Variants in CCBE1 observed in about 807,000 individuals in gnomAD.
The protein encoded by CCBE1 is collagen and calcium-binding EGF domain-containing protein 1.
A neutral mutation model predicts 50.0 loss-of-function variants in CCBE1; 37 were observed. The ratio of observed to expected loss-of-function variants is 0.74; its 90% CI spans 0.57 to 0.97. The LOEUF (loss-of-function observed/expected upper bound fraction) is 0.97. Ranked by LOEUF, CCBE1 falls within the 50% of genes least tolerant of loss-of-function variation. The pLI is 0.00. For synonymous variants in CCBE1, 234 were observed against 203.7 expected (o/e 1.15, Z -1.27); for missense variants, 538 against 523.8 (o/e 1.03, Z -0.26).
At chr18:59,583,022 T>C (rs891316) in intron 2 of CCBE1, among the ~76,000 whole-genome samples, 7,753 of 152,276 alleles carry the variant, frequency 0.051, 557 homozygotes, top group African/African-American at 0.16. Context: ...GGGATCTATG[T>C]TGCCCAGGCT....
chr18:59,605,604 G>C (rs2053487407), intron 2 of CCBE1, among the ~76,000 whole-genome samples: 1 of 152,116 alleles, frequency 6.6e-6, no homozygotes, highest in African/African-American at 2.4e-5. Context: ...AAGCTTTGCT[G>C]GAAAACCAGG....
intron 2 of CCBE1, among the ~76,000 whole-genome samples, chr18:59,511,208 C>T (rs1212477668): frequency 6.6e-6 from 1 of 152,200 alleles, no homozygotes; most frequent in Non-Finnish European, 1.5e-5. Flanking sequence ...GCCTAACTAA[C>T]TGCCAATAAA....
intron 2 of CCBE1, among the ~76,000 whole-genome samples, chr18:59,605,212 A>G (rs574031525): frequency 6.6e-6 from 1 of 152,344 alleles, no homozygotes; most frequent in South Asian, 2.1e-4. Context: ...CAGTGATATG[A>G]ACTTTGATCT....
At chr18:59,547,927 G>A (rs1257852923) in intron 2 of CCBE1, among the ~76,000 whole-genome samples, 1 of 152,174 alleles carries the variant, frequency 6.6e-6, no homozygotes, top group Non-Finnish European at 1.5e-5. Context: ...GAACACACGG[G>A]CATTTTGGCC....
chr18:59,524,302 A>T (rs1914727353), intron 2 of CCBE1, among the ~76,000 whole-genome samples: 1 of 152,364 alleles, frequency 6.6e-6, no homozygotes, highest in South Asian at 2.1e-4. Flanking sequence ...CCTGGGTAAC[A>T]GAGCAAGATC....
At chr18:59,476,167 C>T (rs1239376653) in intron 3 of CCBE1, among the ~76,000 whole-genome samples, 1 of 152,140 alleles carries the variant, frequency 6.6e-6, no homozygotes, top group Non-Finnish European at 1.5e-5. Context: ...TCAGCTCCTA[C>T]AAAATAAAGA....
At chr18:59,694,480 T>TA (rs1422173237) in intron 2 of CCBE1, among the ~76,000 whole-genome samples, 3 of 152,200 alleles carry the variant, frequency 2.0e-5, no homozygotes, top group African/African-American at 7.2e-5. Context: ...TCTGTCTAAA[T>TA]AGGTCTGCAT....
At chr18:59,528,332 C>A (rs190486593) in intron 2 of CCBE1, among the ~76,000 whole-genome samples, 35 of 151,622 alleles carry the variant, frequency 2.3e-4, no homozygotes, top group Admixed American at 1.3e-4. Context: ...TTTATGTTCC[C>A]ACTAAACTGC....
chr18:59,654,791 C>CAAAAAAAA (rs34690890), intron 2 of CCBE1, among the ~76,000 whole-genome samples: 1 of 94,330 alleles, frequency 1.1e-5, no homozygotes, highest in East Asian at 3.2e-4. Flanking sequence ...ACTCCGTCTC[C>CAAAAAAAA]AAAAAAAAAA....
intron 3 of CCBE1, among the ~76,000 whole-genome samples, chr18:59,478,869 T>C (rs1912436330): frequency 6.6e-6 from 1 of 152,150 alleles, no homozygotes; most frequent in Admixed American, 6.5e-5. Context: ...CCAACAGAAT[T>C]GAGAAATTCA....
chr18:59,555,494 A>G (rs566326719), intron 2 of CCBE1, among the ~76,000 whole-genome samples: 24 of 152,310 alleles, frequency 1.6e-4, no homozygotes, highest in Admixed American at 1.3e-3. Flanking sequence ...TTAGATTTCT[A>G]TTTCAGGAAA....
intron 3 of CCBE1, among the ~76,000 whole-genome samples, chr18:59,476,129 ATC>A (rs1912293995): frequency 6.6e-6 from 1 of 151,748 alleles, no homozygotes; most frequent in Non-Finnish European, 1.5e-5. Flanking sequence ...CTCTGCCACT[ATC>A]TCGGTGATCC....
chr18:59,514,702 A>C (rs571148340), intron 2 of CCBE1, among the ~76,000 whole-genome samples: 1 of 148,672 alleles, frequency 6.7e-6, no homozygotes, highest in Admixed American at 6.8e-5. Flanking sequence ...TGCTGACTTT[A>C]AAGAGCAAAC....
intron 2 of CCBE1, among the ~76,000 whole-genome samples, chr18:59,535,068 A>G (rs577579449): frequency 8.5e-5 from 13 of 152,354 alleles, no homozygotes; most frequent in African/African-American, 3.1e-4. Flanking sequence ...TCTCAAGTCT[A>G]TATAACAGAA....
intron 2 of CCBE1, among the ~76,000 whole-genome samples, chr18:59,546,880 T>C (rs1318663648): frequency 1.3e-5 from 2 of 152,244 alleles, no homozygotes; most frequent in South Asian, 2.1e-4. Flanking sequence ...TCTGTGGAGC[T>C]TGGCCATTCT....
At chr18:59,630,515 G>C (rs1435307884) in intron 2 of CCBE1, among the ~76,000 whole-genome samples, 1 of 152,210 alleles carries the variant, frequency 6.6e-6, no homozygotes, top group African/African-American at 2.4e-5. Flanking sequence ...TTCTGTTTGG[G>C]TGTGGCATTA....
At chr18:59,612,702 A>G (rs2053586780) in intron 2 of CCBE1, among the ~76,000 whole-genome samples, 1 of 152,190 alleles carries the variant, frequency 6.6e-6, no homozygotes, top group African/African-American at 2.4e-5. Flanking sequence ...TCTGCAGCCT[A>G]AGCTCAGTGC....
rs1911109210 is a variant in CCBE1, at chr18:59,454,875, C to G, written c.630G>C (p.Gln210His). The change falls in exon 6 of 11, where the codon CAG becomes CAC. Residue 210 changes from glutamine (Q) to histidine (H), a missense_variant. Gln to His is a conservative substitution (Grantham distance 24). Transcript: ENST00000439986. ...CCTTTTGCTTCAGCTGCAGCACGGT[C>G]TGCTTCATCTGGTAGAACTCCTTGC... The part of the protein sequence containing the change: ...ATCKEFYQMK[Q>H]TVLQLKQKIA... 1 of 1,614,094 alleles carries G rather than the reference C, an allele frequency of 6.2e-7. No homozygotes were observed. Among genetic ancestry groups the G allele is most frequent in the Admixed American group, 1.7e-5 (1 of 60,016 alleles).
At chr18:59,693,753 ATTC>A (rs1175597910) in intron 2 of CCBE1, among the ~76,000 whole-genome samples, 1 of 151,390 alleles carries the variant, frequency 6.6e-6, no homozygotes, top group East Asian at 2.0e-4. Context: ...TGCACAATAG[ATTC>A]TTAATTAAGA....
Sources: allele counts gnomAD v4.1 joint callset (sites outside exome capture counted in the v4.1 genomes callset), GRCh38; gene constraint gnomAD v4.1.1; transcripts MANE v1.5; gene names NCBI Gene and HGNC (gene_info 2026-07-23, HGNC 2026-07-21).